The following RERG variants were observed in gnomAD, a reference collection of about 807,000 sequenced individuals.
The protein encoded by RERG is RAS like estrogen regulated growth inhibitor.
In RERG, 25 loss-of-function variants were observed where a neutral mutation model predicts 23.2. That is an observed-to-expected ratio of 1.08 (90% CI 0.79 to 1.50). The LOEUF is 1.50. RERG is among the 40% of genes most tolerant of loss of function. RERG has a pLI of 0.00. For missense variants in RERG, 253 were observed against 250.1 expected (o/e 1.01, Z -0.08); for synonymous variants, 81 against 89.1 (o/e 0.91, Z 0.51).
intron 2 of RERG, among the ~76,000 whole-genome samples, chr12:15,147,931 T>C (rs1247597795): frequency 2.6e-5 from 4 of 152,190 alleles, no homozygotes; most frequent in African/African-American, 7.2e-5. Flanking sequence ...CAGAATAACA[T>C]GGAAGAGTGT....
intron 2 of RERG, among the ~76,000 whole-genome samples, chr12:15,142,670 A>G (rs1487133542): frequency 2.6e-5 from 4 of 152,154 alleles, no homozygotes; most frequent in African/African-American, 9.7e-5. Flanking sequence ...CTGGATAATA[A>G]TAATACTTTG....
intron 2 of RERG, among the ~76,000 whole-genome samples, chr12:15,211,284 TACACACACACACACACACACACAC>T (rs56263472): frequency 1.4e-5 from 2 of 142,872 alleles, no homozygotes; most frequent in South Asian, 2.4e-4. Context: ...TGTCATTTTA[TACACACACACACACACACACACAC>T]ACACACACAC....
chr12:15,183,100 G>A (rs1432100047), intron 2 of RERG, among the ~76,000 whole-genome samples: 1 of 151,932 alleles, frequency 6.6e-6, no homozygotes, highest in Non-Finnish European at 1.5e-5. Context: ...AACAAAAACA[G>A]AAAAGAAAGT....
chr12:15,109,999 C>T (rs1863575893), intron 4 of RERG, among the ~76,000 whole-genome samples: 1 of 152,010 alleles, frequency 6.6e-6, no homozygotes, highest in Non-Finnish European at 1.5e-5. Context: ...TTTTCTCTTT[C>T]TTCAGATTAT....
At chr12:15,169,065 G>A (rs1252001391) in intron 2 of RERG, among the ~76,000 whole-genome samples, 2 of 152,136 alleles carry the variant, frequency 1.3e-5, no homozygotes, top group South Asian at 2.1e-4. Flanking sequence ...GGAATCCCAA[G>A]GTAAGAAAAT....
intron 2 of RERG, among the ~76,000 whole-genome samples, chr12:15,171,309 G>T (rs908295528): frequency 6.6e-6 from 1 of 152,168 alleles, no homozygotes; most frequent in Non-Finnish European, 1.5e-5. Flanking sequence ...TTTACAGTAC[G>T]ATTAGTAGAC....
chr12:15,161,214 G>GAAAGAAAGAA (rs1169818647), intron 2 of RERG, among the ~76,000 whole-genome samples: 2 of 128,992 alleles, frequency 1.6e-5, no homozygotes, highest in African/African-American at 2.8e-5. Flanking sequence ...AAGAAAGAAA[G>GAAAGAAAGAA]AAAGAAAGAA....
rs115483695 is a variant in RERG, at chr12:15,147,320, T to G, written c.62-26201A>C. Among the ~76,000 whole-genome samples, 684 of 152,348 alleles carry G rather than the reference T, an allele frequency of 4.5e-3. 7 individuals are homozygous for G. The highest frequency in any genetic ancestry group is 0.015 in the African/African-American group (627 of 41,588). ...TGAACATCATTTCTGTTGTAAAATT[T>G]GCTTTCAGCAAAAAAACATTTTGTA... On this transcript the variant is annotated intron_variant, in intron 2 of 4. Coordinates refer to ENST00000256953, the MANE Select transcript of RERG (RefSeq NM_032918.3).
At chr12:15,145,628 A>G (rs1436237319) in intron 2 of RERG, among the ~76,000 whole-genome samples, 2 of 152,238 alleles carry the variant, frequency 1.3e-5, no homozygotes, top group East Asian at 3.9e-4. Context: ...AGGTGTGCTC[A>G]GGTGCCTCAG....
chr12:15,154,152 C>T (rs1028894402), intron 2 of RERG: 3 of 152,188 alleles, frequency 2.0e-5, no homozygotes, highest in Non-Finnish European at 4.4e-5. Flanking sequence ...TGTTTAAGCC[C>T]CCCAGCTTGT....
At chr12:15,129,572 T>C (rs74071029) in intron 2 of RERG, among the ~76,000 whole-genome samples, 1 of 152,204 alleles carries the variant, frequency 6.6e-6, no homozygotes, top group African/African-American at 2.4e-5. Context: ...ATATTAGAAA[T>C]GACTTTATAT....
At chr12:15,185,866 T>C (rs576145219) in intron 2 of RERG, among the ~76,000 whole-genome samples, 21 of 151,710 alleles carry the variant, frequency 1.4e-4, no homozygotes, top group African/African-American at 5.1e-4. Context: ...ATAAATTTGA[T>C]AAAACACTAA....
At position 15,123,732 on chromosome 12, in the gene RERG, T is replaced by C. The variant is rs543160220; in HGVS notation, c.62-2613A>G. ...CTATAAAGATTGACCTAATTTCCTT[T>C]TGACTCCCTTCCCTCTCCATCCCAA... On this transcript the variant is annotated intron_variant, in intron 2 of 4. Coordinates refer to ENST00000256953, the MANE Select transcript of RERG (RefSeq NM_032918.3). Among the ~76,000 whole-genome samples, 3 of 151,936 alleles carry C rather than the reference T, an allele frequency of 2.0e-5. No homozygotes were observed. In the South Asian group the frequency reaches 6.2e-4, roughly 32 times the overall value.
rs539100692 is a variant in RERG, at chr12:15,131,783, A to T, written c.62-10664T>A. ...GTTTCCTGTCCATATGGACACATACAGTTCATTTGCAATTCCTAAATAGGC... is the reference window on the plus strand; with the variant it reads ...GTTTCCTGTCCATATGGACACATACTGTTCATTTGCAATTCCTAAATAGGC... On this transcript the variant is annotated intron_variant, in intron 2 of 4. Coordinates refer to ENST00000256953, the MANE Select transcript of RERG (RefSeq NM_032918.3). Among the ~76,000 whole-genome samples, 280 of 152,290 alleles carry T rather than the reference A, an allele frequency of 1.8e-3. 1 individual carries two copies. Among genetic ancestry groups the T allele is most frequent in the Admixed American group, 1.9e-3 (29 of 15,300 alleles).
At chr12:15,158,271 C>T (rs1864551878) in intron 2 of RERG, among the ~76,000 whole-genome samples, 1 of 151,744 alleles carries the variant, frequency 6.6e-6, no homozygotes, top group Non-Finnish European at 1.5e-5. Flanking sequence ...GGAACAGTTC[C>T]TCAGTTTTTT....
At chr12:15,198,696 A>G (rs931100542) in intron 2 of RERG, among the ~76,000 whole-genome samples, 3 of 152,164 alleles carry the variant, frequency 2.0e-5, no homozygotes, top group African/African-American at 7.2e-5. Context: ...GCTCTGAAAC[A>G]GGTTCCATTT....
chr12:15,219,628 A>G (rs1865487865), intron 1 of RERG, among the ~76,000 whole-genome samples: 1 of 152,260 alleles, frequency 6.6e-6, no homozygotes, highest in South Asian at 2.1e-4. Context: ...TCACAGAAAC[A>G]TAATATGTGG....
At chr12:15,196,488 T>A (rs551991857) in intron 2 of RERG, among the ~76,000 whole-genome samples, 289 of 152,282 alleles carry the variant, frequency 1.9e-3, no homozygotes, top group Non-Finnish European at 2.6e-3. Flanking sequence ...TAGGGCTTCA[T>A]ATTAACAACC....
intron 2 of RERG, among the ~76,000 whole-genome samples, chr12:15,214,970 C>T (rs1865420443): frequency 2.6e-5 from 4 of 152,188 alleles, no homozygotes; most frequent in Admixed American, 2.6e-4. Flanking sequence ...GGTGCAGTTA[C>T]AGGTCTCAGA....
Sources: allele counts gnomAD v4.1 joint callset (sites outside exome capture counted in the v4.1 genomes callset), GRCh38; gene constraint gnomAD v4.1.1; transcripts MANE v1.5; gene names NCBI Gene and HGNC (gene_info 2026-07-23, HGNC 2026-07-21).